ERI3: variants seen among roughly 807,000 people sequenced by gnomAD.
ERI3 encodes ERI1 exoribonuclease 3.
Under a neutral mutation model 44.4 loss-of-function variants are expected in ERI3, and 18 were observed. The observed-to-expected ratio is 0.41, with a 90% CI of 0.28 to 0.60. The LOEUF (loss-of-function observed/expected upper bound fraction) is 0.60, where lower values mean the gene tolerates loss of function less well. Among genes scored for constraint, ERI3 ranks in the 20% least tolerant of loss-of-function variants. The pLI is 0.36. For synonymous variants in ERI3, 183 were observed against 164.8 expected (o/e 1.11, Z -0.84); for missense variants, 294 against 435.5 (o/e 0.68, Z 2.89).
intron 2 of ERI3, among the ~76,000 whole-genome samples, chr1:44,348,889 T>C (rs1337976323): frequency 6.6e-6 from 1 of 152,192 alleles, no homozygotes; most frequent in African/African-American, 2.4e-5. Flanking sequence ...TAGGCCTCAG[T>C]TTCTTCATAT....
chr1:44,343,340 T>C (rs1646721645), intron 2 of ERI3, among the ~76,000 whole-genome samples: 1 of 152,144 alleles, frequency 6.6e-6, no homozygotes, highest in South Asian at 2.1e-4. Flanking sequence ...TTACAACTAG[T>C]AGTAATTTTA....
chr1:44,346,815 A>G (rs1297979125), intron 2 of ERI3, among the ~76,000 whole-genome samples: 1 of 152,172 alleles, frequency 6.6e-6, no homozygotes, highest in African/African-American at 2.4e-5. Flanking sequence ...TATAATAATA[A>G]TAATACCTAT....
chr1:44,256,886 A>C (rs964375713), intron 7 of ERI3: 1 of 152,220 alleles, frequency 6.6e-6, no homozygotes, highest in Non-Finnish European at 1.5e-5. Context: ...GTTGAGAATA[A>C]GATAAGTAGC....
At chr1:44,293,991 GC>G (rs1645560977) in intron 6 of ERI3, among the ~76,000 whole-genome samples, 1 of 152,236 alleles carries the variant, frequency 6.6e-6, no homozygotes. Flanking sequence ...AGTCTCCACA[GC>G]TCACAGGACA....
At chr1:44,232,883 G>C (rs1162667878) in intron 8 of ERI3, among the ~76,000 whole-genome samples, 1 of 152,052 alleles carries the variant, frequency 6.6e-6, no homozygotes, top group Non-Finnish European at 1.5e-5. Context: ...GTTCTATTTA[G>C]TGAAAAAGAA....
chr1:44,290,476 C>G (rs959091969), intron 6 of ERI3, among the ~76,000 whole-genome samples: 1 of 152,186 alleles, frequency 6.6e-6, no homozygotes. Context: ...CTGTCCCTAG[C>G]GGCCCTGCAG....
intron 8 of ERI3, among the ~76,000 whole-genome samples, chr1:44,239,974 G>A (rs1644398144): frequency 6.6e-6 from 1 of 152,224 alleles, no homozygotes; most frequent in Non-Finnish European, 1.5e-5. Context: ...ATTAGGACAA[G>A]CTCCCCTTGC....
intron 8 of ERI3, 140 bp downstream of exon 8, chr1:44,247,799 T>C: frequency 1.9e-6 from 1 of 526,332 alleles, no homozygotes; most frequent in Non-Finnish European, 3.2e-6. Flanking sequence ...CCACCCCCCT[T>C]CCACCATCCC....
intron 2 of ERI3, 32 bp from the exon 3 acceptor site, chr1:44,339,354 AAAAAGAAAAGAAAGAAAAAAAAAAAAAG>A (rs1646602765): frequency 6.7e-7 from 1 of 1,491,456 alleles, no homozygotes; most frequent in Non-Finnish European, 8.9e-7. Flanking sequence ...AAAAAAAAAA[AAAAAGAAAAGAAAGAAAAAAAAAAAAAG>A]AACAGAGAGC....
chr1:44,354,261 CA>C, intron 1 of ERI3: 1 of 985,402 alleles, frequency 1.0e-6, no homozygotes. Context: ...TTGAAGTGGC[CA>C]GAGACCTCTC....
At chr1:44,289,629 C>T (rs1363511163) in intron 6 of ERI3, among the ~76,000 whole-genome samples, 1 of 152,262 alleles carries the variant, frequency 6.6e-6, no homozygotes, top group African/African-American at 2.4e-5. Context: ...AAGGAGCCAG[C>T]CTTCCCCACC....
chr1:44,307,493 G>A (rs1421436974), intron 6 of ERI3, among the ~76,000 whole-genome samples: 3 of 152,040 alleles, frequency 2.0e-5, no homozygotes, highest in Non-Finnish European at 2.9e-5. Context: ...AGAGGTAATC[G>A]ATTCTATGAC....
intron 7 of ERI3, among the ~76,000 whole-genome samples, chr1:44,271,128 GT>G (rs1645079774): frequency 6.6e-6 from 1 of 152,182 alleles, no homozygotes; most frequent in Admixed American, 6.5e-5. Flanking sequence ...TGGAGCTACT[GT>G]ACCACTCTTA....
chr1:44,322,815 C>T lies in ERI3; in HGVS notation c.490-3071G>A, dbSNP rs1458746920. On this transcript the variant is annotated intron_variant, in intron 3 of 8. Transcript: ENST00000372257. ...CCAGTAGTGGGAGAGGTGCCCCAAT[C>T]TGCACCAAGTTGGCACAACTCTGCA... is the stretch of plus-strand genomic sequence containing the variant. The T allele has an allele frequency of 1.9e-6, 3 of 1,550,056 alleles. No individual in the cohort carries two copies. The African/African-American group carries it at 4.1e-5, about 21-fold the overall frequency.
chr1:44,251,637 T>G (rs1644681775), intron 7 of ERI3, among the ~76,000 whole-genome samples: 1 of 152,154 alleles, frequency 6.6e-6, no homozygotes, highest in African/African-American at 2.4e-5. Context: ...CTGGGACGGT[T>G]TGACAGGTGG....
At chr1:44,326,189 A>C (rs1646308532) in intron 3 of ERI3, among the ~76,000 whole-genome samples, 1 of 152,226 alleles carries the variant, frequency 6.6e-6, no homozygotes, top group African/African-American at 2.4e-5. Context: ...GGTTTGATAA[A>C]ATCTAAAAGC....
rs544487804 is a variant in ERI3 at position 44,235,395 on chromosome 1, T to G, written c.931+12544A>C. ...TAGGTGCCTTCCCCCCATCCCGCCT[T>G]TGTGTTAGGAACCTCTTCTGTGTGC... On this transcript the variant is annotated intron_variant, in intron 8 of 8. Transcript: ENST00000372257. The surrounding 1 kb of genome is among the most constrained non-coding windows in gnomAD (Gnocchi z 4.6). Among the ~76,000 whole-genome samples, 3 of 152,142 alleles carry G rather than the reference T, an allele frequency of 2.0e-5. No individual in the cohort carries two copies. Among genetic ancestry groups the G allele is most frequent in the Non-Finnish European group, 4.4e-5 (3 of 68,024 alleles).
chr1:44,337,989 T>C (rs1221806827), intron 3 of ERI3, among the ~76,000 whole-genome samples: 3 of 152,166 alleles, frequency 2.0e-5, no homozygotes, highest in African/African-American at 7.2e-5. Flanking sequence ...AACACTACAA[T>C]GAACTGCTAC....
intron 3 of ERI3, among the ~76,000 whole-genome samples, chr1:44,330,661 G>T (rs990754742): frequency 1.3e-5 from 2 of 152,196 alleles, no homozygotes; most frequent in Admixed American, 1.3e-4. Flanking sequence ...GGGGTAGCTG[G>T]TGTCAATGTG....
Sources: allele counts gnomAD v4.1 joint callset (sites outside exome capture counted in the v4.1 genomes callset), GRCh38; gene constraint gnomAD v4.1.1; non-coding constraint Gnocchi (gnomAD v3.1); transcripts MANE v1.5; gene names NCBI Gene and HGNC (gene_info 2026-07-23, HGNC 2026-07-21).